Variants in HARBI1 observed in about 807,000 individuals in gnomAD.
The protein encoded by HARBI1 is harbinger transposase derived 1, also known as putative nuclease HARBI1.
A neutral mutation model predicts 25.3 loss-of-function variants in HARBI1; 15 were observed. The observed-to-expected ratio is 0.59, with a 90% CI of 0.40 to 0.91. The LOEUF (loss-of-function observed/expected upper bound fraction) is 0.91, where lower values mean the gene tolerates loss of function less well. HARBI1 is among the 40% of genes least tolerant of loss of function. The pLI is 0.00. For synonymous variants in HARBI1, 168 were observed against 160.5 expected (o/e 1.05, Z -0.35); for missense variants, 396 against 445.8 (o/e 0.89, Z 1.01).
intron 2 of HARBI1, among the ~76,000 whole-genome samples, chr11:46,607,135 C>T (rs1477686116): frequency 1.3e-5 from 2 of 151,946 alleles, no homozygotes; most frequent in South Asian, 2.1e-4. Context: ...CATGGTGGTG[C>T]GTGCCTGTAG....
chr11:46,613,191 G>A (rs1279270723), intron 2 of HARBI1, among the ~76,000 whole-genome samples: 10 of 151,924 alleles, frequency 6.6e-5, no homozygotes, highest in Non-Finnish European at 4.4e-5. Flanking sequence ...TGTCGGCCAG[G>A]CTGGTTTTGA....
At chr11:46,610,760 A>C (rs966764800) in intron 2 of HARBI1, among the ~76,000 whole-genome samples, 2 of 152,236 alleles carry the variant, frequency 1.3e-5, no homozygotes, top group Admixed American at 1.3e-4. Context: ...AAAGTTATTT[A>C]TCAGAATTTT....
At chr11:46,610,945 A>C (rs190906756) in intron 2 of HARBI1, among the ~76,000 whole-genome samples, 21 of 152,058 alleles carry the variant, frequency 1.4e-4, no homozygotes, top group Admixed American at 1.3e-3. Context: ...AAGCGACTTA[A>C]ATGTTATGTG....
upstream of HARBI1, chr11:46,617,495 T>G (rs1176727288): frequency 3.5e-6 from 1 of 286,198 alleles, no homozygotes; most frequent in Non-Finnish European, 6.4e-6. Flanking sequence ...GTAGCGAAAG[T>G]GCGACTAAGG....
rs568169055 is a variant in HARBI1 at position 46,610,364 on chromosome 11, T to A, written c.670+5204A>T. Among the ~76,000 whole-genome samples the A allele has an allele frequency of 1.9e-3, 286 of 147,082 alleles. 3 individuals carry two copies. Among genetic ancestry groups the A allele is most frequent in the Middle Eastern group, 7.1e-3 (2 of 280 alleles). The stretch of plus-strand genomic sequence containing the variant: ...TGTATATAATATATATATATATATA[T>A]AAAATAATAAAAAGGCCAGGCGCGG... On this transcript the variant is annotated intron_variant, in intron 2 of 2. Transcript: ENST00000326737.
chr11:46,608,590 C>T (rs117766417), intron 2 of HARBI1, among the ~76,000 whole-genome samples: 2,446 of 151,720 alleles, frequency 0.016, 23 homozygotes, highest in Non-Finnish European at 0.022. Context: ...GGACTACAGG[C>T]ACACGCCACC....
rs908205237 is a variant in HARBI1 at position 46,615,486 on chromosome 11, G to A, written c.670+82C>T. ...ACCGCCTCAGCCTCCCAAAGTGCTG[G>A]GGTTGTGTGAGCCACCGCCCCCAGC... On this transcript the variant is annotated intron_variant, in intron 2 of 2. Transcript: ENST00000326737. The A allele has an allele frequency of 1.3e-5, 15 of 1,146,218 alleles. No homozygotes were observed. In the African/African-American group the frequency reaches 1.4e-4, roughly 10 times the overall value. The allele number at this position is 1,146,218 out of a possible 1,614,324, so 71.0% of individuals were successfully genotyped here.
upstream of HARBI1, chr11:46,617,538 T>TCCC (rs1418857951): frequency 4.7e-4 from 96 of 204,600 alleles, no homozygotes; most frequent in African/African-American, 4.4e-3. Flanking sequence ...TAGCCCTCTT[T>TCCC]CACCCCCCCC....
At chr11:46,613,185 G>A (rs1258383873) in intron 2 of HARBI1, among the ~76,000 whole-genome samples, 2 of 151,740 alleles carry the variant, frequency 1.3e-5, no homozygotes, top group Admixed American at 6.6e-5. Context: ...TGACCATGTC[G>A]GCCAGGCTGG....
chr11:46,609,640 A>G (rs1046372015), intron 2 of HARBI1, among the ~76,000 whole-genome samples: 1 of 106,804 alleles, frequency 9.4e-6, no homozygotes, highest in Admixed American at 8.2e-5. Context: ...CCACATCTTC[A>G]ACTTCCACAG....
chr11:46,616,993 G>A, intron 1 of HARBI1, 131 bp downstream of exon 1: 1 of 985,488 alleles, frequency 1.0e-6, no homozygotes, highest in Non-Finnish European at 1.2e-6. Flanking sequence ...CACATTGGAA[G>A]TCGGGAGCGA....
At chr11:46,616,700 C>G in intron 1 of HARBI1, 1 of 993,082 alleles carries the variant, frequency 1.0e-6, no homozygotes, top group South Asian at 4.5e-5. Context: ...CAAGAAGCAG[C>G]TGACATATGT....
At chr11:46,617,661 T>C (rs2045733023), upstream of HARBI1, 2 of 366,008 alleles carry the variant, frequency 5.5e-6, no homozygotes, top group South Asian at 3.0e-4. Context: ...AGGGAAGCAC[T>C]GAAGAGCGCC....
chr11:46,607,385 C>T (rs1015240419), intron 2 of HARBI1, among the ~76,000 whole-genome samples: 1 of 151,780 alleles, frequency 6.6e-6, no homozygotes, highest in Non-Finnish European at 1.5e-5. Context: ...ATATGTTAGG[C>T]AAAGGAAAGA....
intron 2 of HARBI1, among the ~76,000 whole-genome samples, chr11:46,608,623 ATT>A (rs775113474): frequency 2.8e-5 from 4 of 142,044 alleles, no homozygotes; most frequent in Middle Eastern, 3.4e-3. Flanking sequence ...TAAAAAAAAA[ATT>A]TTTTTTTTTT....
In HARBI1 at chr11:46,615,566, A is replaced by G. The variant is rs1384435162; in HGVS notation, c.670+2T>C. On this transcript the variant is annotated splice_donor_variant, in intron 2 of 2. Coordinates refer to ENST00000326737, the MANE Select transcript of HARBI1 (RefSeq NM_173811.4). LOFTEE classifies it high-confidence loss of function. ...AATGAAAATTCACACTTGCAAACTT[A>G]CCCAGAAGCCAGCTATCTTTGTGCA... 6.2e-7 allele frequency: 1 copy of G among 1,610,688 alleles called. No individual in the cohort carries two copies. The highest frequency in any genetic ancestry group is 8.5e-7 in the Non-Finnish European group (1 of 1,177,482).
chr11:46,610,167 A>C (rs1229092735), intron 2 of HARBI1, among the ~76,000 whole-genome samples: 1 of 151,816 alleles, frequency 6.6e-6, no homozygotes, highest in Non-Finnish European at 1.5e-5. Context: ...AATTTAAAAC[A>C]AAATTAGCCA....
intron 2 of HARBI1, among the ~76,000 whole-genome samples, chr11:46,614,084 TAGG>T (rs2045288087): frequency 1.3e-5 from 2 of 152,030 alleles, no homozygotes; most frequent in African/African-American, 4.8e-5. Flanking sequence ...GATAAATTCT[TAGG>T]AGTAGAAGAG....
chr11:46,615,780 A>C lies in HARBI1; in HGVS notation c.458T>G (p.Val153Gly). Residue 153 changes from valine to glycine, a missense_variant, in exon 2 of 3, where the codon GTG becomes GGG. Val to Gly is a moderately radical substitution (Grantham distance 109). Coordinates refer to ENST00000326737, the MANE Select transcript of HARBI1 (RefSeq NM_173811.4). ...TTCAGCATTTGGTGCCTTGATGGCC[A>C]CATGGATACAGTCAACCACCCCCAT... ...GVMGVVDCIHVAIKAPNAEDL... is the reference protein window; with the variant it reads ...GVMGVVDCIHGAIKAPNAEDL... 2 of 1,614,214 alleles carry C rather than the reference A, an allele frequency of 1.2e-6. No homozygotes were observed. Among genetic ancestry groups the C allele is most frequent in the Non-Finnish European group, 8.5e-7 (1 of 1,180,036 alleles).
Sources: gnomAD v4.1 joint callset for allele counts (sites outside exome capture counted in the v4.1 genomes callset) on GRCh38, gnomAD v4.1.1 for gene constraint, MANE v1.5 for transcripts, NCBI Gene and HGNC (gene_info 2026-07-23, HGNC 2026-07-21) for gene names.